The following ARRB1 variants were observed in gnomAD, a reference collection of about 807,000 sequenced individuals.
ARRB1 encodes beta-arrestin-1.
ARRB1 carries 21 observed loss-of-function variants against 56.8 expected under a neutral mutation model. The observed-to-expected ratio is 0.37, with a 90% CI of 0.26 to 0.53. The LOEUF (loss-of-function observed/expected upper bound fraction) is 0.53. Among genes scored for constraint, ARRB1 ranks in the 20% least tolerant of loss-of-function variants. The pLI is 0.88. For synonymous variants in ARRB1, 210 were observed against 218.6 expected, an observed-to-expected ratio of 0.96 and a Z score of 0.35; for missense variants, 424 against 553.7, an observed-to-expected ratio of 0.77 and a Z score of 2.35.
intron 14 of ARRB1, 138 bp from the exon 15 acceptor site, chr11:75,267,841 G>A (rs917665674): frequency 2.7e-6 from 2 of 729,214 alleles, no homozygotes; most frequent in Non-Finnish European, 4.7e-6. Context: ...GGAGATGGGG[G>A]AGGACTCATT....
At chr11:75,317,197 C>T (rs149194441) in intron 1 of ARRB1, among the ~76,000 whole-genome samples, 166 of 152,220 alleles carry the variant, frequency 1.1e-3, no homozygotes, top group African/African-American at 3.9e-3. Flanking sequence ...CTCTGGGTAA[C>T]GGCCCCATTT....
intron 3 of ARRB1, among the ~76,000 whole-genome samples, chr11:75,284,511 G>C (rs1946428398): frequency 6.6e-6 from 1 of 152,206 alleles, no homozygotes; most frequent in Non-Finnish European, 1.5e-5. Context: ...GCAGGTTAGA[G>C]ACCATTTCTG....
At chr11:75,278,122 AG>A (rs1377016409) in intron 8 of ARRB1, among the ~76,000 whole-genome samples, 1 of 152,092 alleles carries the variant, frequency 6.6e-6, no homozygotes, top group African/African-American at 2.4e-5. Context: ...CCCGAGAGAG[AG>A]GGGGTGCCCA....
chr11:75,282,533 G>A (rs978433899), intron 5 of ARRB1, among the ~76,000 whole-genome samples: 14 of 152,318 alleles, frequency 9.2e-5, no homozygotes, highest in African/African-American at 3.4e-4. Flanking sequence ...GGAAGGCACT[G>A]TGAGCCAAGG....
chr11:75,275,070 A>C (rs1389527522), intron 10 of ARRB1: 1 of 151,922 alleles, frequency 6.6e-6, no homozygotes, highest in Admixed American at 6.6e-5. Flanking sequence ...ATACCACTGC[A>C]CTCCAGCCTG....
chr11:75,331,054 C>T (rs1308603628), intron 1 of ARRB1, among the ~76,000 whole-genome samples: 2 of 152,372 alleles, frequency 1.3e-5, no homozygotes, highest in East Asian at 1.9e-4. Context: ...GGCGGAGTCT[C>T]GCTCTGTCGC....
At chr11:75,298,628 G>T (rs1252354565) in intron 1 of ARRB1, among the ~76,000 whole-genome samples, 2 of 152,184 alleles carry the variant, frequency 1.3e-5, no homozygotes. Flanking sequence ...CAGTTTGGCA[G>T]TTCCTTTAAA....
intron 5 of ARRB1, chr11:75,282,276 T>C: frequency 2.3e-6 from 1 of 438,288 alleles, no homozygotes; most frequent in South Asian, 4.3e-5. Context: ...ATGTCTACTG[T>C]GGTTGGCAGA....
intron 1 of ARRB1, among the ~76,000 whole-genome samples, chr11:75,326,926 C>T (rs1463377830): frequency 1.3e-5 from 2 of 151,930 alleles, no homozygotes; most frequent in Non-Finnish European, 1.5e-5. Context: ...AGGCTCATCT[C>T]AAAGGCCTGA....
intron 1 of ARRB1, among the ~76,000 whole-genome samples, chr11:75,330,987 A>G (rs919403924): frequency 3.9e-5 from 6 of 152,238 alleles, no homozygotes; most frequent in Non-Finnish European, 7.3e-5. Flanking sequence ...CTTGCATTCC[A>G]GCAGGGAGAG....
At position 75,266,284 on chromosome 11, in the gene ARRB1, G is replaced by C. The variant is rs915193913; in HGVS notation, c.1146-10C>G. 8 of 1,609,716 alleles carry C rather than the reference G, an allele frequency of 5.0e-6. No individual in the cohort carries two copies. In the Admixed American group the frequency reaches 5.0e-5, roughly 10 times the overall value. ...TACAATGTCGTCATCACTGGTGGGA[G>C]AGACAAGGAAAATGTGGTGTGTTTG... On this transcript the variant is annotated splice_polypyrimidine_tract_variant and intron_variant, in intron 15 of 15. Coordinates refer to ENST00000420843, the MANE Select transcript of ARRB1 (RefSeq NM_004041.5).
chr11:75,282,535 G>A (rs1389814885), intron 5 of ARRB1, among the ~76,000 whole-genome samples: 1 of 152,178 alleles, frequency 6.6e-6, no homozygotes, highest in Non-Finnish European at 1.5e-5. Flanking sequence ...AAGGCACTGT[G>A]AGCCAAGGAA....
chr11:75,324,390 C>T (rs1387116700), intron 1 of ARRB1, among the ~76,000 whole-genome samples: 2 of 152,120 alleles, frequency 1.3e-5, no homozygotes, highest in Non-Finnish European at 2.9e-5. Flanking sequence ...TCTGCCCGTG[C>T]GAAGCTCCTC....
chr11:75,279,885 C>G (rs371673639), intron 7 of ARRB1, among the ~76,000 whole-genome samples: 1 of 152,290 alleles, frequency 6.6e-6, no homozygotes, highest in Middle Eastern at 3.4e-3. Flanking sequence ...CCAGGCTGGT[C>G]TGGAACTCCT....
chr11:75,323,771 CCCAGGGTCCAGGCTCTGCCT>C (rs554896322), intron 1 of ARRB1, among the ~76,000 whole-genome samples: 1 of 152,262 alleles, frequency 6.6e-6, no homozygotes, highest in East Asian at 1.9e-4. Flanking sequence ...CTCTGAGCCA[CCCAGGGTCCAGGCTCTGCCT>C]TCAGGAAGTG....
chr11:75,312,107 C>T (rs756089865), intron 1 of ARRB1: 8 of 1,289,504 alleles, frequency 6.2e-6, no homozygotes, highest in Middle Eastern at 2.1e-4. Flanking sequence ...CTCTCCTCTC[C>T]CATCTCTTGC....
At chr11:75,344,605 AC>A (rs1947738355) in intron 1 of ARRB1, among the ~76,000 whole-genome samples, 2 of 152,146 alleles carry the variant, frequency 1.3e-5, no homozygotes, top group Admixed American at 1.3e-4. Flanking sequence ...CCTCTGTCCA[AC>A]CCTCTGTTCT....
In ARRB1 at chr11:75,302,753, G is replaced by A. The variant is rs746010387; in HGVS notation, c.21-12714C>T. On this transcript the variant is annotated intron_variant, in intron 1 of 15. Coordinates refer to ENST00000420843, the MANE Select transcript of ARRB1 (RefSeq NM_004041.5). ...GATCCCCAGTAGTGACTCAACACAGGGAAGCTGACATTGTGCTATGATACT... is the reference window on the plus strand; with the variant it reads ...GATCCCCAGTAGTGACTCAACACAGAGAAGCTGACATTGTGCTATGATACT... Among the ~76,000 whole-genome samples the A allele has an allele frequency of 2.3e-4, 35 of 152,244 alleles. No individual in the cohort carries two copies. In the South Asian group the frequency reaches 2.5e-3, roughly 11 times the overall value.
intron 1 of ARRB1, among the ~76,000 whole-genome samples, chr11:75,302,624 T>G (rs1481904821): frequency 3.3e-5 from 5 of 152,170 alleles, no homozygotes; most frequent in Non-Finnish European, 7.3e-5. Flanking sequence ...TTGAGCCCAG[T>G]GTGACCTCAG....
Sources: allele counts gnomAD v4.1 joint callset (sites outside exome capture counted in the v4.1 genomes callset), GRCh38; gene constraint gnomAD v4.1.1; transcripts MANE v1.5; gene names NCBI Gene and HGNC (gene_info 2026-07-23, HGNC 2026-07-21).